Variants in SPIN1 observed in about 807,000 individuals in gnomAD.
SPIN1 encodes the protein spindlin 1, also known as spindlin-1.
In SPIN1, 3 loss-of-function variants were observed where a neutral mutation model predicts 26.0. The ratio of observed to expected loss-of-function variants is 0.12; its 90% confidence interval spans 0.05 to 0.30. SPIN1 has a LOEUF of 0.30. Among genes scored for constraint, SPIN1 ranks in the 10% least tolerant of loss-of-function variants. The pLI, the probability that SPIN1 is intolerant of heterozygous loss-of-function variation, is 1.00. For synonymous variants in SPIN1, 101 were observed against 116.5 expected (o/e 0.87, Z 0.86); for missense variants, 126 against 333.4 (o/e 0.38, Z 4.84).
intron 1 of SPIN1, among the ~76,000 whole-genome samples, chr9:88,406,458 A>AT (rs1034839158): frequency 1.6e-4 from 24 of 151,524 alleles, no homozygotes; most frequent in Admixed American, 3.3e-4. Context: ...CCCTCAGCTA[A>AT]TTTTTTTGTA....
chr9:88,443,127 A>AC (rs1257189835), intron 2 of SPIN1, among the ~76,000 whole-genome samples: 1 of 151,714 alleles, frequency 6.6e-6, no homozygotes, highest in Non-Finnish European at 1.5e-5. Flanking sequence ...CTCAAAAAAA[A>AC]AAAAAAACAA....
intron 1 of SPIN1, among the ~76,000 whole-genome samples, chr9:88,389,172 C>T (rs575378530): frequency 1.8e-3 from 271 of 152,298 alleles, no homozygotes; most frequent in Non-Finnish European, 2.8e-3. Flanking sequence ...AGTCCTCGCG[C>T]CCGCGCAGCC....
chr9:88,441,502 C>T (rs1828129043), intron 2 of SPIN1, among the ~76,000 whole-genome samples: 1 of 150,344 alleles, frequency 6.7e-6, no homozygotes, highest in Non-Finnish European at 1.5e-5. Flanking sequence ...TCATGCCTAT[C>T]ATCCCAGCAT....
At chr9:88,455,592 A>G (rs945861479) in intron 3 of SPIN1, among the ~76,000 whole-genome samples, 3 of 152,256 alleles carry the variant, frequency 2.0e-5, no homozygotes, top group African/African-American at 7.2e-5. Context: ...AATTTAATGT[A>G]TATTTTAAAA....
At chr9:88,453,170 C>G (rs1375003575) in intron 3 of SPIN1, among the ~76,000 whole-genome samples, 1 of 151,982 alleles carries the variant, frequency 6.6e-6, no homozygotes, top group Admixed American at 6.6e-5. Flanking sequence ...TCCCAATAAG[C>G]CTTTTGCACT....
chr9:88,405,148 A>T (rs1192021426), intron 1 of SPIN1, among the ~76,000 whole-genome samples: 1 of 152,212 alleles, frequency 6.6e-6, no homozygotes, highest in African/African-American at 2.4e-5. Context: ...TAAAATAATG[A>T]TTAAACATAG....
chr9:88,418,895 A>G (rs1430815425), intron 1 of SPIN1: 3 of 152,100 alleles, frequency 2.0e-5, no homozygotes, highest in Non-Finnish European at 4.4e-5. Flanking sequence ...TATCTTCCTC[A>G]TGGTTGTGAG....
At chr9:88,410,891 G>A in intron 1 of SPIN1, 7 of 978,332 alleles carry the variant, frequency 7.2e-6, no homozygotes, top group East Asian at 2.4e-5. Context: ...TCTTTGGCTG[G>A]ATGAAGCACT....
chr9:88,397,198 CT>C (rs967723186), intron 1 of SPIN1, among the ~76,000 whole-genome samples: 5 of 152,004 alleles, frequency 3.3e-5, no homozygotes, highest in South Asian at 2.1e-4. Context: ...AGCTTTTTAA[CT>C]TTTTTTTAAA....
intron 4 of SPIN1, among the ~76,000 whole-genome samples, chr9:88,464,187 A>C (rs1828618367): frequency 6.6e-6 from 1 of 152,206 alleles, no homozygotes; most frequent in Non-Finnish European, 1.5e-5. Flanking sequence ...TAAATCAGCA[A>C]TATATATGCC....
intron 1 of SPIN1, among the ~76,000 whole-genome samples, chr9:88,399,256 A>G (rs1351798436): frequency 6.7e-6 from 1 of 149,664 alleles, no homozygotes; most frequent in Non-Finnish European, 1.5e-5. Context: ...CTGGTCTTGA[A>G]CTCCTGACCT....
intron 1 of SPIN1, among the ~76,000 whole-genome samples, chr9:88,416,988 G>C (rs1473860022): frequency 2.0e-5 from 3 of 152,174 alleles, no homozygotes; most frequent in Non-Finnish European, 4.4e-5. Flanking sequence ...CTGTCTACCT[G>C]ATATCAAGAT....
chr9:88,417,592 C>T (rs1347834043), intron 1 of SPIN1, among the ~76,000 whole-genome samples: 2 of 152,152 alleles, frequency 1.3e-5, no homozygotes, highest in African/African-American at 4.8e-5. Context: ...CCTTTCTCAG[C>T]CTCCCCTGTA....
chr9:88,409,014 A>G (rs12236199), intron 1 of SPIN1, among the ~76,000 whole-genome samples: 28,364 of 119,490 alleles, frequency 0.24, 3,566 homozygotes, highest in African/African-American at 0.51. Flanking sequence ...TGTGTGTTTG[A>G]GATGAATTTT....
chr9:88,477,831 A>G lies in SPIN1; in HGVS notation c.*2554A>G, dbSNP rs1184142526. On this transcript the variant is annotated 3_prime_UTR_variant, in exon 6 of 6. Transcript: ENST00000375859. ...TTTCTCATTTACCTGCTCTAGTATT[A>G]TTGTATTGTGTGTGCGTGCGTGTGT... 1.3e-5 allele frequency: 2 copies of G among 152,204 alleles called. No homozygotes were observed. Among genetic ancestry groups the G allele is most frequent in the African/African-American group, 4.8e-5 (2 of 41,394 alleles). 9.4% of individuals were successfully genotyped at this position (152,204 alleles called of 1,614,324 possible).
At chr9:88,390,451 A>T (rs544509672) in intron 1 of SPIN1, among the ~76,000 whole-genome samples, 1 of 152,294 alleles carries the variant, frequency 6.6e-6, no homozygotes, top group African/African-American at 2.4e-5. Flanking sequence ...ACTTCCAGTG[A>T]CTTACCTGAT....
chr9:88,419,345 T>C (rs1381392928), intron 1 of SPIN1, among the ~76,000 whole-genome samples: 2 of 152,146 alleles, frequency 1.3e-5, no homozygotes, highest in Non-Finnish European at 2.9e-5. Flanking sequence ...GGAAATAGTT[T>C]AGCCTGTGCG....
chr9:88,455,586 T>C (rs1056966496), intron 3 of SPIN1, among the ~76,000 whole-genome samples: 1 of 152,230 alleles, frequency 6.6e-6, no homozygotes, highest in Admixed American at 6.5e-5. Context: ...GTTAATAATT[T>C]AATGTATATT....
intron 1 of SPIN1, among the ~76,000 whole-genome samples, chr9:88,393,757 AT>A (rs1166800639): frequency 3.3e-5 from 5 of 151,528 alleles, no homozygotes; most frequent in Middle Eastern, 3.4e-3. Context: ...TCCAGAGCTG[AT>A]TTTTTTTGGA....
Sources: allele counts gnomAD v4.1 joint callset (sites outside exome capture counted in the v4.1 genomes callset), GRCh38; gene constraint gnomAD v4.1.1; transcripts MANE v1.5; gene names NCBI Gene and HGNC (gene_info 2026-07-23, HGNC 2026-07-21).